Variants in NKX2-2 observed in about 807,000 individuals in gnomAD.
The protein encoded by NKX2-2 is NK2 homeobox 2, also known as homeobox protein Nkx-2.2.
Under a neutral mutation model 24.6 loss-of-function variants are expected in NKX2-2, and 8 were observed. That is an observed-to-expected ratio of 0.32 (90% CI 0.19 to 0.59). NKX2-2 has a LOEUF of 0.59. Ranked by LOEUF, NKX2-2 falls within the 20% of genes least tolerant of loss-of-function variation. NKX2-2 has a pLI of 0.86. For synonymous variants in NKX2-2, 217 were observed against 173.3 expected (o/e 1.25, Z -1.98); for missense variants, 381 against 373.9 (o/e 1.02, Z -0.16).
In NKX2-2 at chr20:21,513,157, C is replaced by T. The variant is rs1980503861; in HGVS notation, c.259+254G>A. The stretch of plus-strand genomic sequence containing the variant: ...ATATACCAGCCCCTGGGAGGTATAG[C>T]CCTTCTCCCTCTTTCTCCTTAACTT... On this transcript the variant is annotated intron_variant, in intron 1 of 1. Coordinates refer to ENST00000377142, the MANE Select transcript of NKX2-2 (RefSeq NM_002509.4). This position sits in a 1 kb window ranked among gnomAD's most constrained non-coding sequence, Gnocchi z 4.6. Among the ~76,000 whole-genome samples the T allele has an allele frequency of 6.6e-6, 1 of 152,106 alleles. No homozygotes were observed. Among genetic ancestry groups the T allele is most frequent in the Non-Finnish European group, 1.5e-5 (1 of 68,008 alleles).
the NKX2-2 span, among the ~76,000 whole-genome samples, chr20:21,522,465 C>A: frequency 6.6e-6 from 1 of 152,138 alleles, no homozygotes; most frequent in Non-Finnish European, 1.5e-5. Flanking sequence ...CTTCCTCCAT[C>A]GCCACCGCCG....
Position 21,513,221 on chromosome 20 carries a change from C to T in NKX2-2, c.259+190G>A, listed in dbSNP as rs1215556646. ...AAATTTTGGAGACCAAGTTCTTTCC[C>T]GGAACTAAGGAGGCTTGAAGAGGAG... On this transcript the variant is annotated intron_variant, in intron 1 of 1. Transcript: ENST00000377142. This position sits in a 1 kb window ranked among gnomAD's most constrained non-coding sequence, Gnocchi z 4.6. Among the ~76,000 whole-genome samples the T allele has an allele frequency of 5.3e-5, 8 of 152,170 alleles. No individual in the cohort carries two copies. Among genetic ancestry groups the T allele is most frequent in the South Asian group, 4.1e-4 (2 of 4,832 alleles).
upstream of NKX2-2, chr20:21,514,083 A>G (rs934833162): frequency 6.8e-6 from 1 of 147,730 alleles, no homozygotes; most frequent in Non-Finnish European, 1.5e-5. Flanking sequence ...CCGAGCGATC[A>G]GTCCATATAA....
At chr20:21,515,929 T>C (rs887668561), upstream of NKX2-2, among the ~76,000 whole-genome samples, 2 of 152,142 alleles carry the variant, frequency 1.3e-5, no homozygotes, top group African/African-American at 2.4e-5. Flanking sequence ...TGGGTGACAA[T>C]GGCCCAGGTT....
intron 1 of NKX2-2, among the ~76,000 whole-genome samples, 164 bp from the exon 2 acceptor site, chr20:21,512,649 G>A (rs1161079530): frequency 2.0e-5 from 3 of 152,132 alleles, no homozygotes; most frequent in Non-Finnish European, 4.4e-5. Context: ...TACGCCTGAC[G>A]AAGACGTCGG....
At chr20:21,512,964 C>G in intron 1 of NKX2-2, among the ~76,000 whole-genome samples, 1 of 152,156 alleles carries the variant, frequency 6.6e-6, no homozygotes, top group Non-Finnish European at 1.5e-5. Flanking sequence ...CCTCTATGAT[C>G]GCGCAGGGGG....
Position 21,511,848 on chromosome 20 carries a change from A to G in NKX2-2, c.*75T>C. On this transcript the variant is annotated 3_prime_UTR_variant, in exon 2 of 2. Transcript: ENST00000377142. ...AATAATAATAATAACCACCATAAGG[A>G]CCGAGGCCTCCTCGCCGCCACCGCC... 9.1e-7 allele frequency: 1 copy of G among 1,102,934 alleles called. No homozygotes were observed. Among genetic ancestry groups the G allele is most frequent in the South Asian group, 1.5e-5 (1 of 66,480 alleles). The allele number at this position is 1,102,934 out of a possible 1,614,324, so 68.3% of individuals were successfully genotyped here.
chr20:21,520,311 C>A, the NKX2-2 span, among the ~76,000 whole-genome samples: 1 of 152,040 alleles, frequency 6.6e-6, no homozygotes, highest in Non-Finnish European at 1.5e-5. Context: ...GCTCCCTTCT[C>A]CCTATTCTTT....
chr20:21,511,533 A>C lies in NKX2-2; in HGVS notation c.*390T>G, dbSNP rs575784781. 1.2e-3 allele frequency: 211 copies of C among 175,614 alleles called. 2 individuals are homozygous for C. Among genetic ancestry groups the C allele is most frequent in the Admixed American group, 1.9e-3 (31 of 15,914 alleles). 10.9% of individuals were successfully genotyped at this position (175,614 alleles called of 1,614,324 possible). ...TGACAATATCGCTACTCACACAAACATATTTTACAAAATGCACGAAAGCAG... is the reference window on the plus strand; with the variant it reads ...TGACAATATCGCTACTCACACAAACCTATTTTACAAAATGCACGAAAGCAG... On this transcript the variant is annotated 3_prime_UTR_variant, in exon 2 of 2. Transcript: ENST00000377142.
chr20:21,520,947 G>T, the NKX2-2 span, among the ~76,000 whole-genome samples: 2 of 152,080 alleles, frequency 1.3e-5, no homozygotes, highest in Non-Finnish European at 2.9e-5. Flanking sequence ...TTCTTAACAC[G>T]TGACAAAATC....
At chr20:21,516,932 G>A (rs560235509), upstream of NKX2-2, among the ~76,000 whole-genome samples, 6 of 152,308 alleles carry the variant, frequency 3.9e-5, no homozygotes, top group Non-Finnish European at 7.3e-5. Flanking sequence ...CCCCAGCATA[G>A]TGACCCTTTC....
upstream of NKX2-2, among the ~76,000 whole-genome samples, chr20:21,515,558 C>T (rs796825442): frequency 6.6e-6 from 1 of 151,322 alleles, no homozygotes; most frequent in South Asian, 2.1e-4. Context: ...GAAAAGACCA[C>T]GCCGCATTTG....
the NKX2-2 span, among the ~76,000 whole-genome samples, chr20:21,521,607 T>C: frequency 6.6e-6 from 1 of 152,196 alleles, no homozygotes; most frequent in African/African-American, 2.4e-5. Flanking sequence ...CTGTCTCCAC[T>C]GGGCGCCATC....
At chr20:21,520,659 C>T in the NKX2-2 span, among the ~76,000 whole-genome samples, 4 of 152,172 alleles carry the variant, frequency 2.6e-5, no homozygotes, top group Admixed American at 6.5e-5. Flanking sequence ...AGCTTTAAGC[C>T]CCCCTCGGGC....
chr20:21,519,904 C>T, the NKX2-2 span, among the ~76,000 whole-genome samples: 1 of 152,054 alleles, frequency 6.6e-6, no homozygotes, highest in East Asian at 1.9e-4. Flanking sequence ...AGATCTCTGG[C>T]AGGAGAGACT....
At chr20:21,519,122 A>C in the NKX2-2 span, among the ~76,000 whole-genome samples, 1 of 152,238 alleles carries the variant, frequency 6.6e-6, no homozygotes, top group Non-Finnish European at 1.5e-5. Flanking sequence ...CCCCACCCAC[A>C]AAAGCGCTTC....
At chr20:21,519,978 C>T in the NKX2-2 span, among the ~76,000 whole-genome samples, 1 of 151,886 alleles carries the variant, frequency 6.6e-6, no homozygotes, top group Non-Finnish European at 1.5e-5. Flanking sequence ...AAATCTCAGC[C>T]TGCTTTGGGT....
the NKX2-2 span, among the ~76,000 whole-genome samples, chr20:21,522,009 G>A: frequency 3.9e-5 from 6 of 152,156 alleles, no homozygotes; most frequent in African/African-American, 1.4e-4. Flanking sequence ...TCCCAGCCCC[G>A]CACCTTCCCA....
rs751150502 is a variant in NKX2-2, at chr20:21,512,097, G to C, written c.648C>G (p.His216Gln). The C allele has an allele frequency of 1.3e-5, 21 of 1,613,848 alleles. No individual in the cohort carries two copies. In the South Asian group the frequency reaches 1.9e-4, roughly 14 times the overall value. ...CTGCCAGGTCCTGGGCTTTGAGCGC[G>C]TGACATGGTTTGCCGTCCCTGACCA... is the stretch of plus-strand genomic sequence containing the variant. ...PVLVRDGKPC[H>Q]ALKAQDLAAA... is the part of the protein sequence containing the mutation. Residue 216 changes from histidine (H) to glutamine (Q), a missense_variant, in exon 2 of 2, where the codon CAC becomes CAG. Coordinates refer to ENST00000377142, the MANE Select transcript of NKX2-2 (RefSeq NM_002509.4).
Sources: allele counts gnomAD v4.1 joint callset (sites outside exome capture counted in the v4.1 genomes callset), GRCh38; gene constraint gnomAD v4.1.1; non-coding constraint Gnocchi (gnomAD v3.1); transcripts MANE v1.5; gene names NCBI Gene and HGNC (gene_info 2026-07-23, HGNC 2026-07-21).